SRGAP3: variants seen among roughly 807,000 people sequenced by gnomAD.
The protein encoded by SRGAP3 is SLIT-ROBO Rho GTPase activating protein 3, also known as SLIT-ROBO Rho GTPase-activating protein 3.
SRGAP3 carries 39 observed loss-of-function variants against 121.1 expected under a neutral mutation model. That is an observed-to-expected ratio of 0.32 (90% confidence interval 0.25 to 0.42). The LOEUF is 0.42. Among genes scored for constraint, SRGAP3 ranks in the 10% least tolerant of loss-of-function variants. SRGAP3 has a pLI of 1.00. For synonymous variants in SRGAP3, 601 were observed against 570.0 expected (o/e 1.05, Z -0.77); for missense variants, 1,213 against 1,470.6 (o/e 0.82, Z 2.86).
chr3:9,162,109 T>G (rs1009149299), intron 1 of SRGAP3, among the ~76,000 whole-genome samples: 9 of 151,750 alleles, frequency 5.9e-5, no homozygotes, highest in African/African-American at 2.2e-4. Flanking sequence ...AGACCTAGAG[T>G]TGTCAAGTTC....
intron 3 of SRGAP3, among the ~76,000 whole-genome samples, chr3:9,291,483 G>C (rs987454477): frequency 6.6e-6 from 1 of 151,990 alleles, no homozygotes; most frequent in African/African-American, 2.4e-5. Context: ...CATTTTATTT[G>C]GATACTTTTT....
At chr3:9,191,679 T>C (rs1248012891) in intron 1 of SRGAP3, among the ~76,000 whole-genome samples, 1 of 152,216 alleles carries the variant, frequency 6.6e-6, no homozygotes, top group Admixed American at 6.5e-5. Flanking sequence ...GTGGGAGATA[T>C]GGGAGATGAT....
rs530351196 is a variant in SRGAP3 at position 9,322,562 on chromosome 3, C to T, written n.442+3448G>A. Among the ~76,000 whole-genome samples, 99 of 151,890 alleles carry T rather than the reference C, an allele frequency of 6.5e-4. 1 individual carries two copies. Among genetic ancestry groups the T allele is most frequent in the African/African-American group, 2.0e-3 (82 of 41,540 alleles). ...TGAGCTCCACCTCCTGTTGCATCGG[C>T]GTGGCATTAGATTCTCACAGGACTG... On this transcript the variant is annotated intron_variant and non_coding_transcript_variant, in intron 3 of 3. Coordinates refer to the SRGAP3 transcript ENST00000490889.
intron 3 of SRGAP3, chr3:9,081,177 CCCTAA>C: frequency 2.2e-6 from 1 of 453,906 alleles, no homozygotes; most frequent in South Asian, 1.6e-5. Flanking sequence ...ACAACAGATG[CCCTAA>C]CCTTAGTTTG....
At chr3:9,147,630 G>A (rs1369919449) in intron 1 of SRGAP3, among the ~76,000 whole-genome samples, 1 of 152,176 alleles carries the variant, frequency 6.6e-6, no homozygotes, top group South Asian at 2.1e-4. Context: ...TTCCAGGGAA[G>A]ATTCCAGGCA....
At chr3:9,330,581 C>A in exon 2 of SRGAP3, 1 of 153,880 alleles carries the variant, frequency 6.5e-6, no homozygotes, top group South Asian at 1.8e-4. Flanking sequence ...ACTTCGGATC[C>A]CACTTCTGAC....
intron 1 of SRGAP3, among the ~76,000 whole-genome samples, chr3:9,170,272 A>G (rs1950928762): frequency 6.6e-6 from 1 of 152,216 alleles, no homozygotes; most frequent in Non-Finnish European, 1.5e-5. Context: ...GAAGCCCTGC[A>G]TCACGTCAGT....
chr3:9,291,602 C>CCACACACA (rs71049786), intron 3 of SRGAP3, among the ~76,000 whole-genome samples: 36 of 147,028 alleles, frequency 2.4e-4, no homozygotes, highest in African/African-American at 8.0e-4. Context: ...TGCATCAACA[C>CCACACACA]CACACACACA....
intron 1 of SRGAP3, among the ~76,000 whole-genome samples, chr3:9,236,661 G>C (rs545321016): frequency 2.6e-5 from 4 of 152,062 alleles, no homozygotes; most frequent in African/African-American, 9.6e-5. Flanking sequence ...TAAGTATCCT[G>C]AGGTCTCCCC....
intron 3 of SRGAP3, among the ~76,000 whole-genome samples, chr3:9,089,428 T>C (rs986878456): frequency 1.3e-5 from 2 of 151,614 alleles, no homozygotes; most frequent in East Asian, 2.0e-4. Context: ...CAACTTACTA[T>C]AATCTGCTTC....
chr3:9,054,252 C>G (rs760080496), intron 8 of SRGAP3, among the ~76,000 whole-genome samples: 12 of 152,154 alleles, frequency 7.9e-5, no homozygotes, highest in Middle Eastern at 3.4e-3. Context: ...TTCATTATAC[C>G]CTCCTCCTTT....
chr3:9,305,311 G>A (rs1412525563), intron 3 of SRGAP3, among the ~76,000 whole-genome samples: 1 of 150,260 alleles, frequency 6.7e-6, no homozygotes, highest in East Asian at 2.0e-4. Flanking sequence ...CGAACGCTGC[G>A]GTGTAACAGG....
chr3:9,335,341 T>C (rs1191605667), intron 1 of SRGAP3, among the ~76,000 whole-genome samples: 1 of 152,238 alleles, frequency 6.6e-6, no homozygotes, highest in Non-Finnish European at 1.5e-5. Flanking sequence ...AATTTATATG[T>C]GTGTATAAAT....
chr3:9,164,964 G>A (rs1270336966), intron 1 of SRGAP3, among the ~76,000 whole-genome samples: 5 of 152,242 alleles, frequency 3.3e-5, no homozygotes, highest in South Asian at 2.1e-4. Context: ...TCCCTGCTCC[G>A]TCTCTGGGTC....
At chr3:9,294,123 T>C (rs1177886124) in intron 3 of SRGAP3, among the ~76,000 whole-genome samples, 5 of 152,158 alleles carry the variant, frequency 3.3e-5, no homozygotes, top group Non-Finnish European at 5.9e-5. Context: ...AAATGTGGTA[T>C]ACACCATGGA....
intron 1 of SRGAP3, among the ~76,000 whole-genome samples, chr3:9,133,046 T>TTA (rs1173306472): frequency 6.7e-6 from 1 of 148,716 alleles, no homozygotes; most frequent in East Asian, 1.9e-4. Flanking sequence ...ATATGATATA[T>TTA]TATATAGATC....
In SRGAP3 at chr3:9,239,718, G is replaced by A. The variant is rs1205145638; in HGVS notation, c.67+9167C>T. On this transcript the variant is annotated intron_variant, in intron 1 of 21. Coordinates refer to ENST00000383836, the MANE Select transcript of SRGAP3 (RefSeq NM_014850.4). The surrounding 1 kb of genome is among the most constrained non-coding windows in gnomAD (Gnocchi z 4.0). ...ATCAATGGTTGAGCACTCTGTAATT[G>A]GAAATGTCAAAATCCACATTTCCTA... Among the ~76,000 whole-genome samples, 1 of 152,138 alleles carries A rather than the reference G, an allele frequency of 6.6e-6. No individual in the cohort carries two copies. Among genetic ancestry groups the A allele is most frequent in the East Asian group, 1.9e-4 (1 of 5,192 alleles).
At chr3:9,358,022 A>C (rs2030611502) in intron 1 of SRGAP3, among the ~76,000 whole-genome samples, 1 of 152,032 alleles carries the variant, frequency 6.6e-6, no homozygotes, top group African/African-American at 2.4e-5. Context: ...TTAGAGATGC[A>C]CGCCACCACA....
chr3:9,001,952 C>A (rs1201444009), intron 18 of SRGAP3, among the ~76,000 whole-genome samples: 2 of 151,930 alleles, frequency 1.3e-5, no homozygotes, highest in Non-Finnish European at 2.9e-5. Flanking sequence ...ATAGAAAATT[C>A]AAAAATAATT....
Sources: gnomAD v4.1 joint callset for allele counts (sites outside exome capture counted in the v4.1 genomes callset) on GRCh38, gnomAD v4.1.1 for gene constraint, Gnocchi (gnomAD v3.1) non-coding constraint, MANE v1.5 for transcripts, NCBI Gene and HGNC (gene_info 2026-07-23, HGNC 2026-07-21) for gene names.